The following PCDHGA7 variants were observed in gnomAD, a reference collection of about 807,000 sequenced individuals.
PCDHGA7 encodes the protein protocadherin gamma subfamily A, 7.
PCDHGA7 carries 44 observed loss-of-function variants against 58.3 expected under a neutral mutation model. The observed-to-expected ratio is 0.75, with a 90% CI of 0.59 to 0.97. The LOEUF (loss-of-function observed/expected upper bound fraction) is 0.97, where lower values mean the gene tolerates loss of function less well. PCDHGA7 is among the 50% of genes least tolerant of loss of function. The pLI is 0.00. For missense variants in PCDHGA7, 1,266 were observed against 1,188.7 expected, an observed-to-expected ratio of 1.06 and a Z score of -0.96; for synonymous variants, 516 against 504.2, an observed-to-expected ratio of 1.02 and a Z score of -0.31.
chr5:141,427,881 C>T (rs774499492), intron 1 of PCDHGA7: 6 of 1,563,720 alleles, frequency 3.8e-6, no homozygotes, highest in South Asian at 3.3e-5. Context: ...GATGCAGGCC[C>T]ACGACCAGGG....
intron 1 of PCDHGA7, chr5:141,428,910 A>C (rs956124609): frequency 1.3e-5 from 2 of 151,302 alleles, no homozygotes; most frequent in Non-Finnish European, 2.9e-5. Context: ...GCTGGAGTGC[A>C]GTGGCATGAT....
intron 1 of PCDHGA7, chr5:141,415,542 T>C (rs770960227): frequency 1.2e-5 from 19 of 1,614,056 alleles, no homozygotes; most frequent in Non-Finnish European, 9.3e-6. Context: ...AGGAGAGCTG[T>C]GAGAAAAACG....
intron 1 of PCDHGA7, chr5:141,418,454 ACTCTG>A (rs2096260396): frequency 3.1e-6 from 5 of 1,613,892 alleles, no homozygotes; most frequent in Non-Finnish European, 4.2e-6. Context: ...ATTGCAGAAG[ACTCTG>A]GACCGAGAAA....
At chr5:141,388,952 G>GGAC in intron 1 of PCDHGA7, 1 of 1,614,022 alleles carries the variant, frequency 6.2e-7, no homozygotes, top group Non-Finnish European at 8.5e-7. Flanking sequence ...TAATTATGGA[G>GGAC]GACGCCGAGC....
chr5:141,508,241 T>G (rs1475142426), intron 3 of PCDHGA7: 2 of 152,286 alleles, frequency 1.3e-5, no homozygotes, highest in East Asian at 3.9e-4. Context: ...CTCCTAAGTC[T>G]GCCTCTCCTG....
rs1349935659 is a variant in PCDHGA7 at position 141,507,722 on chromosome 5, A to C, written c.2572+2241A>C. 6.6e-5 allele frequency among the ~76,000 whole-genome samples: 10 copies of C among 152,354 alleles called. No homozygotes were observed. In the East Asian group the frequency reaches 1.9e-3, roughly 29 times the overall value. ...ATTTATGGCCCCAAACCCTCCAAGC[A>C]AGTCATGCAGCTCGTTCCCCTGTCA... On this transcript the variant is annotated intron_variant, in intron 3 of 3. Coordinates refer to ENST00000518325, the MANE Select transcript of PCDHGA7 (RefSeq NM_018920.4).
At position 141,393,564 on chromosome 5, in the gene PCDHGA7, G is replaced by A; in HGVS notation, c.2424+8241G>A. On this transcript the variant is annotated intron_variant, in intron 1 of 3. Coordinates refer to ENST00000518325, the MANE Select transcript of PCDHGA7 (RefSeq NM_018920.4). ...TCCTCACCCGATTTACCGAGTGAAA[G>A]TCCTTGAGAACATGCCCCCAGGCAC... is the stretch of plus-strand genomic sequence containing the variant. 1 of 1,613,932 alleles carries A rather than the reference G, an allele frequency of 6.2e-7. No individual in the cohort carries two copies. Among genetic ancestry groups the A allele is most frequent in the Non-Finnish European group, 8.5e-7 (1 of 1,179,894 alleles).
Position 141,486,219 on chromosome 5 carries a change from A to G in PCDHGA7, c.2425-8588A>G. 1 of 1,614,134 alleles carries G rather than the reference A, an allele frequency of 6.2e-7. No individual in the cohort carries two copies. Among genetic ancestry groups the G allele is most frequent in the African/African-American group, 1.3e-5 (1 of 75,042 alleles). ...CTGGACGTAAATGACAATGCCCCTT[A>G]CATCACAGTGACCTCAGAGCTTGGA... On this transcript the variant is annotated intron_variant, in intron 1 of 3. Transcript: ENST00000518325. This position sits in a 1 kb window ranked among gnomAD's most constrained non-coding sequence, Gnocchi z 5.0.
At chr5:141,459,930 T>C (rs1385764489) in intron 1 of PCDHGA7, among the ~76,000 whole-genome samples, 1 of 152,176 alleles carries the variant, frequency 6.6e-6, no homozygotes, top group East Asian at 1.9e-4. Context: ...TATATCCTTG[T>C]AGCTGGGCGT....
At position 141,477,758 on chromosome 5, in the gene PCDHGA7, G is replaced by A; in HGVS notation, c.2425-17049G>A. 2 of 1,613,924 alleles carry A rather than the reference G, an allele frequency of 1.2e-6. No homozygotes were observed. The highest frequency in any genetic ancestry group is 1.7e-5 in the Admixed American group (1 of 60,022). On this transcript the variant is annotated intron_variant, in intron 1 of 3. Transcript: ENST00000518325. The surrounding 1 kb of genome is among the most constrained non-coding windows in gnomAD (Gnocchi z 4.9). ...CAGCGATGGGGGCACCCCGGTCCTA[G>A]CCACCAACATCAGCGTGAACATATT...
intron 1 of PCDHGA7, chr5:141,399,509 AC>A: frequency 6.2e-7 from 1 of 1,613,968 alleles, no homozygotes; most frequent in Non-Finnish European, 8.5e-7. Flanking sequence ...CCCGAAAACA[AC>A]CCTCCTGGGG....
At chr5:141,507,537 C>CA (rs140454890) in intron 3 of PCDHGA7, among the ~76,000 whole-genome samples, 3,617 of 152,286 alleles carry the variant, frequency 0.024, 53 homozygotes, top group East Asian at 0.043. Context: ...AGGCCAGAGA[C>CA]TGAGTATGAA....
intron 1 of PCDHGA7, chr5:141,388,548 C>A: frequency 6.2e-7 from 1 of 1,613,842 alleles, no homozygotes; most frequent in Non-Finnish European, 8.5e-7. Flanking sequence ...AGCTCCACCC[C>A]TAAGCAGCAC....
At chr5:141,410,765 T>C (rs1238144239) in intron 1 of PCDHGA7, 1 of 1,066,570 alleles carries the variant, frequency 9.4e-7, no homozygotes, top group Non-Finnish European at 1.3e-6. Flanking sequence ...TTTTCAATTA[T>C]AGTTTTCACT....
intron 1 of PCDHGA7, 79 bp from the exon 2 acceptor site, chr5:141,494,728 C>T (rs2099756337): frequency 1.2e-6 from 2 of 1,609,984 alleles, no homozygotes; most frequent in Admixed American, 3.3e-5. Context: ...TCCTTCTCTC[C>T]CGGCCCATCC....
In PCDHGA7 at chr5:141,486,370, T is replaced by A; in HGVS notation, c.2425-8437T>A. On this transcript the variant is annotated intron_variant, in intron 1 of 3. Transcript: ENST00000518325. This position sits in a 1 kb window ranked among gnomAD's most constrained non-coding sequence, Gnocchi z 5.0. ...ACCACTTGCCATTTGCCCTCAAGTC[T>A]GCCTTCAGGAACCAGTTCTCCCTGG... 1 of 1,614,106 alleles carries A rather than the reference T, an allele frequency of 6.2e-7. No homozygotes were observed. The highest frequency in any genetic ancestry group is 8.5e-7 in the Non-Finnish European group (1 of 1,179,986).
chr5:141,392,931 G>T, intron 1 of PCDHGA7: 1 of 1,613,920 alleles, frequency 6.2e-7, no homozygotes, highest in Non-Finnish European at 8.5e-7. Context: ...AGAAGAGACG[G>T]ACAAAGGCTC....
chr5:141,420,496 G>T, intron 1 of PCDHGA7: 1 of 495,924 alleles, frequency 2.0e-6, no homozygotes, highest in Non-Finnish European at 3.1e-6. Context: ...GTAATCTCCG[G>T]TGACATTTTT....
chr5:141,394,567 G>A, intron 1 of PCDHGA7: 1 of 1,614,040 alleles, frequency 6.2e-7, no homozygotes, highest in Non-Finnish European at 8.5e-7. Flanking sequence ...GCAGAGCGTG[G>A]CTACCTGGTG....
Sources: allele counts gnomAD v4.1 joint callset (sites outside exome capture counted in the v4.1 genomes callset), GRCh38; gene constraint gnomAD v4.1.1; non-coding constraint Gnocchi (gnomAD v3.1); transcripts MANE v1.5; gene names NCBI Gene and HGNC (gene_info 2026-07-23, HGNC 2026-07-21).